The following NUP205 variants were observed in gnomAD, a reference collection of about 807,000 sequenced individuals.
NUP205 encodes nuclear pore complex protein Nup205.
A neutral mutation model predicts 253.8 loss-of-function variants in NUP205; 76 were observed. The ratio of observed to expected loss-of-function variants is 0.30; its 90% confidence interval spans 0.25 to 0.36. The LOEUF is 0.36. Among genes scored for constraint, NUP205 ranks in the 10% least tolerant of loss-of-function variants. NUP205 has a pLI of 1.00. For missense variants in NUP205, 2,162 were observed against 2,425.5 expected, an observed-to-expected ratio of 0.89 and a Z score of 2.28; for synonymous variants, 832 against 850.1, an observed-to-expected ratio of 0.98 and a Z score of 0.37.
At chr7:135,632,269 G>A (rs1794730267) in intron 35 of NUP205, among the ~76,000 whole-genome samples, 1 of 151,978 alleles carries the variant, frequency 6.6e-6, no homozygotes, top group South Asian at 2.1e-4. Context: ...TACTTGACAT[G>A]TTAATTGATT....
chr7:135,612,181 C>T (rs1010754957), intron 22 of NUP205, among the ~76,000 whole-genome samples: 4 of 152,096 alleles, frequency 2.6e-5, no homozygotes, highest in Admixed American at 1.3e-4. Flanking sequence ...AGTCAGTTCT[C>T]GTTATTCACA....
chr7:135,598,345 T>A, intron 15 of NUP205, 138 bp downstream of exon 15: 1 of 786,142 alleles, frequency 1.3e-6, no homozygotes, highest in Non-Finnish European at 2.0e-6. Flanking sequence ...ATCTATGAAG[T>A]GGTCTGATTA....
At chr7:135,570,046 TATATATAGAGAGAGAG>T (rs1330177632) in intron 1 of NUP205, among the ~76,000 whole-genome samples, 28 of 102,354 alleles carry the variant, frequency 2.7e-4, no homozygotes, top group African/African-American at 4.0e-4. Context: ...TATATATATA[TATATATAGAGAGAGAG>T]AGAGAGAGAG....
chr7:135,632,165 C>T (rs899356738), intron 35 of NUP205, among the ~76,000 whole-genome samples: 3 of 152,110 alleles, frequency 2.0e-5, no homozygotes, highest in South Asian at 2.1e-4. Flanking sequence ...AATGACAGGA[C>T]GGCCGATTAT....
intron 2 of NUP205, among the ~76,000 whole-genome samples, chr7:135,572,237 ATAAACT>A (rs1389923987): frequency 5.3e-5 from 8 of 152,316 alleles, no homozygotes; most frequent in East Asian, 1.9e-4. Flanking sequence ...TAGCTAGGAG[ATAAACT>A]TAATAATATT....
At chr7:135,596,393 C>T (rs538581928) in intron 13 of NUP205, among the ~76,000 whole-genome samples, 1 of 152,266 alleles carries the variant, frequency 6.6e-6, no homozygotes, top group East Asian at 1.9e-4. Context: ...GATTCCTGAG[C>T]GTACCAATAC....
At chr7:135,589,184 AAG>A in intron 10 of NUP205, among the ~76,000 whole-genome samples, 1 of 150,220 alleles carries the variant, frequency 6.7e-6, no homozygotes, top group East Asian at 1.9e-4. Context: ...AAAAAAAAAA[AAG>A]AGTTGGCAGG....
rs189146541 is a variant in NUP205 at position 135,588,268 on chromosome 7, G to A, written c.1473+276G>A. Among the ~76,000 whole-genome samples, 41 of 142,852 alleles carry A rather than the reference G, an allele frequency of 2.9e-4. 2 individuals carry two copies. Among genetic ancestry groups the A allele is most frequent in the African/African-American group, 9.8e-4 (38 of 38,860 alleles). 93.7% of individuals were successfully genotyped at this position (142,852 alleles called of 152,430 possible). A position where few individuals can be genotyped will look rare whatever the true frequency, so the allele number is the denominator to read the frequency against. ...TGATCCTCCCGCCTCAGCCCCCAGG[G>A]TAGTCGGGACTACAGGCATACACCA... On this transcript the variant is annotated intron_variant, in intron 10 of 42. Transcript: ENST00000285968.
chr7:135,577,593 T>C (rs1458963292), intron 5 of NUP205, among the ~76,000 whole-genome samples: 5 of 152,226 alleles, frequency 3.3e-5, no homozygotes, highest in African/African-American at 1.2e-4. Context: ...AACAAGAAAT[T>C]GGTCATCCCA....
chr7:135,568,018 G>T (rs1416199097), intron 1 of NUP205, among the ~76,000 whole-genome samples: 2 of 152,166 alleles, frequency 1.3e-5, no homozygotes, highest in African/African-American at 4.8e-5. Flanking sequence ...TTGAGGCCAG[G>T]AGTTCAAGAC....
At chr7:135,640,671 T>G (rs1794901986) in intron 38 of NUP205, among the ~76,000 whole-genome samples, 1 of 152,160 alleles carries the variant, frequency 6.6e-6, no homozygotes, top group South Asian at 2.1e-4. Context: ...GTTTGTCATA[T>G]TAAGACAAAC....
In NUP205 at chr7:135,604,630, C is replaced by T. The variant is rs554264184; in HGVS notation, c.2823+170C>T. On this transcript the variant is annotated intron_variant, in intron 19 of 42. Transcript: ENST00000285968. ...AACCTACCCACGAACTTGGCTATGA[C>T]TTATCTTTGAAGATAATGCTATTCA... 4.6e-5 allele frequency among the ~76,000 whole-genome samples: 7 copies of T among 152,298 alleles called. No homozygotes were observed. In the South Asian group the frequency reaches 1.5e-3, roughly 32 times the overall value.
Position 135,576,994 on chromosome 7 carries a change from C to A in NUP205, c.514C>A (p.Arg172Ser). 6.2e-7 allele frequency: 1 copy of A among 1,613,692 alleles called. No individual in the cohort carries two copies. The highest frequency in any genetic ancestry group is 1.1e-5 in the South Asian group (1 of 90,994). ...LSPELASMTT[R>S]FTDELMEQGL... ...TCCAGAGCTGGCTTCCATGACAACA[C>A]GCTTTACAGATGAGCTGATGGAGCA... The change falls in exon 5 of 43, where the codon CGC (arginine) becomes AGC (serine). Residue 172 changes from arginine to serine, a missense_variant. Physicochemically the swap from Arg to Ser is moderately radical, Grantham distance 110. Transcript: ENST00000285968.
chr7:135,645,547 A>G lies in NUP205; in HGVS notation c.5763A>G (p.Gln1921=), dbSNP rs756107277. The G allele has an allele frequency of 1.9e-6, 3 of 1,614,196 alleles. No homozygotes were observed. The highest frequency in any genetic ancestry group is 2.2e-5 in the East Asian group (1 of 44,886). Residue 1921 remains glutamine (Q), a synonymous_variant, in exon 41 of 43, where the codon CAA becomes CAG. Transcript: ENST00000285968. ...TACATTGCATGCCCACGGATTCTCA[A>G]GATTCCTTATTTGCCTCGAGAACCT... ...YLLHCMPTDS[Q]DSLFASRTLF...
intron 13 of NUP205, chr7:135,597,135 G>A: frequency 2.3e-6 from 1 of 436,726 alleles, no homozygotes. Context: ...AAAATGTCTT[G>A]TGTGCTCTTA....
Position 135,625,335 on chromosome 7 carries a change from T to C in NUP205, c.4651T>C (p.Tyr1551His). 1.3e-6 allele frequency: 2 copies of C among 1,595,738 alleles called. No homozygotes were observed. Among genetic ancestry groups the C allele is most frequent in the Non-Finnish European group, 1.7e-6 (2 of 1,173,980 alleles). Residue 1551 changes from tyrosine (Y) to histidine (H), a missense_variant, in exon 32 of 43, where the codon TAT becomes CAT. This residue lies in a region of NUP205 where 1,144 missense variants were observed against 1,280.9 expected (regional missense o/e 0.89). Transcript: ENST00000285968. ...TPQPPLLKALYTYESKMAFLT... is the reference protein window; with the variant it reads ...TPQPPLLKALHTYESKMAFLT... ...ACAGCCTCCCCTTTTAAAAGCACTT[T>C]ATACTTATGAATCTAAAATGGTAAG...
At chr7:135,582,284 C>T (rs948198264) in intron 7 of NUP205, among the ~76,000 whole-genome samples, 3 of 151,198 alleles carry the variant, frequency 2.0e-5, no homozygotes, top group African/African-American at 7.3e-5. Flanking sequence ...GACTCTGTTT[C>T]AAAAAAAATA....
At chr7:135,634,438 A>G (rs1297205003) in intron 35 of NUP205, among the ~76,000 whole-genome samples, 1 of 152,116 alleles carries the variant, frequency 6.6e-6, no homozygotes. Context: ...GAGGAAAAAA[A>G]GTCTTAGTTT....
chr7:135,572,505 TTAGTG>T (rs1426909306), intron 2 of NUP205, among the ~76,000 whole-genome samples: 1 of 152,198 alleles, frequency 6.6e-6, no homozygotes, highest in Non-Finnish European at 1.5e-5. Context: ...ATAGGGTACT[TTAGTG>T]GAGGGGATTC....
Sources: gnomAD v4.1 joint callset for allele counts (sites outside exome capture counted in the v4.1 genomes callset) on GRCh38, gnomAD v4.1.1 for gene constraint, gnomAD v4.1.1 regional missense constraint, MANE v1.5 for transcripts, NCBI Gene and HGNC (gene_info 2026-07-23, HGNC 2026-07-21) for gene names.